The following FRMD4A variants were observed in gnomAD, a reference collection of about 807,000 sequenced individuals.
FRMD4A encodes FERM domain-containing protein 4A.
A neutral mutation model predicts 129.1 loss-of-function variants in FRMD4A; 29 were observed. That is an observed-to-expected ratio of 0.22 (90% CI 0.17 to 0.31). FRMD4A has a LOEUF of 0.31. Ranked by LOEUF, FRMD4A falls within the 10% of genes least tolerant of loss-of-function variation. The pLI is 1.00. For missense variants in FRMD4A, 1,272 were observed against 1,375.8 expected (o/e 0.92, Z 1.19); for synonymous variants, 634 against 571.6 (o/e 1.11, Z -1.56).
intron 2 of FRMD4A, among the ~76,000 whole-genome samples, chr10:14,050,075 T>C (rs1325973272): frequency 6.6e-6 from 1 of 152,244 alleles, no homozygotes; most frequent in African/African-American, 2.4e-5. Flanking sequence ...GGCAGTTTCC[T>C]ACCTTTGCTA....
chr10:14,260,323 T>C (rs1311629871), intron 2 of FRMD4A, among the ~76,000 whole-genome samples: 1 of 152,144 alleles, frequency 6.6e-6, no homozygotes, highest in African/African-American at 2.4e-5. Context: ...AGAGTTTTAG[T>C]TCCCACAAGC....
chr10:13,692,456 T>G (rs2085801777), intron 15 of FRMD4A: 1 of 152,182 alleles, frequency 6.6e-6, no homozygotes, highest in Non-Finnish European at 1.5e-5. Flanking sequence ...CTTTAGCGGT[T>G]CTACTGAAGA....
intron 2 of FRMD4A, among the ~76,000 whole-genome samples, chr10:14,222,721 A>G (rs1843302012): frequency 6.6e-6 from 1 of 151,950 alleles, no homozygotes; most frequent in South Asian, 2.1e-4. Flanking sequence ...CTGGAGTGAA[A>G]TCTCCTTGGA....
chr10:13,682,841 A>G (rs750976), intron 15 of FRMD4A, among the ~76,000 whole-genome samples: 113,893 of 151,916 alleles, frequency 0.75, 44,237 homozygotes, highest in African/African-American at 0.91. Flanking sequence ...CAGAGTCATA[A>G]GGAGGCTGAA....
At chr10:13,832,801 G>A (rs971897814) in intron 3 of FRMD4A, among the ~76,000 whole-genome samples, 17 of 152,090 alleles carry the variant, frequency 1.1e-4, no homozygotes, top group African/African-American at 3.9e-4. Flanking sequence ...CACCACACCC[G>A]GCTAATTTTT....
chr10:14,212,996 G>A (rs1842973939), intron 2 of FRMD4A, among the ~76,000 whole-genome samples: 1 of 152,192 alleles, frequency 6.6e-6, no homozygotes, highest in South Asian at 2.1e-4. Context: ...CAGCACTTTG[G>A]GAGGCTGAGG....
chr10:13,737,934 G>C lies in FRMD4A; in HGVS notation c.673-4C>G, dbSNP rs773682675. On this transcript the variant is annotated splice_region_variant and splice_polypyrimidine_tract_variant and intron_variant, in intron 11 of 24. Transcript: ENST00000357447. Reference sequence around the variant, plus strand: ...ACCATGGTATGCCCTGCTTGTCCTAGGATATCAAAAAAAGTTTGGGTGAAT... The same window carrying C: ...ACCATGGTATGCCCTGCTTGTCCTACGATATCAAAAAAAGTTTGGGTGAAT... The C allele has an allele frequency of 5.1e-6, 8 of 1,567,792 alleles. No homozygotes were observed. The South Asian group carries it at 8.9e-5, about 17-fold the overall frequency.
chr10:13,921,023 GA>G (rs771924312), intron 2 of FRMD4A, among the ~76,000 whole-genome samples: 2 of 152,062 alleles, frequency 1.3e-5, no homozygotes, highest in African/African-American at 2.4e-5. Context: ...AAAATACATA[GA>G]CTGGGTTCTA....
intron 2 of FRMD4A, among the ~76,000 whole-genome samples, chr10:14,229,113 T>G (rs1843550363): frequency 6.6e-6 from 1 of 152,050 alleles, no homozygotes; most frequent in South Asian, 2.1e-4. Context: ...TTTTTTGTTT[T>G]TTTTTAAGAT....
Position 13,646,997 on chromosome 10 carries a change from T to C in FRMD4A, c.*41A>G. 3.1e-6 allele frequency: 3 copies of C among 982,936 alleles called. No individual in the cohort carries two copies. The South Asian group carries it at 1.4e-4, about 46-fold the overall frequency. 60.9% of individuals were successfully genotyped at this position (982,936 alleles called of 1,614,324 possible). Reference sequence around the variant, plus strand: ...CCACTGGACATCAGCTAGTTCTGGATAGAGGGAGGAATCCAGGAAACAGCT... The same window carrying C: ...CCACTGGACATCAGCTAGTTCTGGACAGAGGGAGGAATCCAGGAAACAGCT... On this transcript the variant is annotated 3_prime_UTR_variant, in exon 25 of 25. Transcript: ENST00000357447.
chr10:14,059,274 A>G (rs1332579111), intron 2 of FRMD4A, among the ~76,000 whole-genome samples: 1 of 152,202 alleles, frequency 6.6e-6, no homozygotes, highest in Admixed American at 6.5e-5. Context: ...TGTACAGGCT[A>G]GAGGTAGGAT....
At chr10:14,275,469 G>C (rs1845305582) in intron 2 of FRMD4A, among the ~76,000 whole-genome samples, 1 of 152,314 alleles carries the variant, frequency 6.6e-6, no homozygotes, top group South Asian at 2.1e-4. Context: ...CACATGGTTG[G>C]TGGCTATCTG....
intron 2 of FRMD4A, among the ~76,000 whole-genome samples, chr10:14,246,698 C>T (rs1844253540): frequency 6.6e-6 from 1 of 152,032 alleles, no homozygotes; most frequent in South Asian, 2.1e-4. Flanking sequence ...ACCAGGTCTG[C>T]CAGGAAAAAG....
chr10:14,240,288 G>A (rs79564130), intron 2 of FRMD4A, among the ~76,000 whole-genome samples: 9,830 of 152,150 alleles, frequency 0.065, 396 homozygotes, highest in Non-Finnish European at 0.09. Flanking sequence ...GCTGCATGAC[G>A]GCCATTTATG....
At chr10:14,055,942 CT>C (rs905423940) in intron 2 of FRMD4A, among the ~76,000 whole-genome samples, 8 of 150,054 alleles carry the variant, frequency 5.3e-5, no homozygotes, top group South Asian at 2.1e-4. Flanking sequence ...AATTCTCTCT[CT>C]TTTTTTTTTG....
Position 14,090,566 on chromosome 10 carries a change from C to T in FRMD4A, c.46-231654G>A, listed in dbSNP as rs190133338. Among the ~76,000 whole-genome samples the T allele has an allele frequency of 1.6e-3, 250 of 152,282 alleles. 1 individual carries two copies. The highest frequency in any genetic ancestry group is 2.0e-3 in the Non-Finnish European group (133 of 68,022). ...GGTTGGGTTAGAGCCAGGCAGCATC[C>T]CCCCAGCCGCTCCATGCTAAAGCCT... is the stretch of plus-strand genomic sequence containing the variant. On this transcript the variant is annotated intron_variant, in intron 2 of 24. Coordinates refer to ENST00000357447, the MANE Select transcript of FRMD4A (RefSeq NM_018027.5).
At chr10:14,164,809 A>T (rs1841090747) in intron 2 of FRMD4A, among the ~76,000 whole-genome samples, 1 of 152,246 alleles carries the variant, frequency 6.6e-6, no homozygotes, top group Admixed American at 6.5e-5. Context: ...CCTGCAACCC[A>T]CGATGGCTTT....
At chr10:14,148,852 G>C (rs1309756364) in intron 2 of FRMD4A, among the ~76,000 whole-genome samples, 1 of 152,002 alleles carries the variant, frequency 6.6e-6, no homozygotes, top group African/African-American at 2.4e-5. Flanking sequence ...TTAGCTTTAA[G>C]ATCTTGGGCA....
At chr10:13,745,546 G>C (rs1300845322) in intron 9 of FRMD4A, among the ~76,000 whole-genome samples, 5 of 152,216 alleles carry the variant, frequency 3.3e-5, no homozygotes, top group African/African-American at 1.2e-4. Flanking sequence ...ATGCAGAAGA[G>C]ACAGAGAGAG....
Sources: allele counts gnomAD v4.1 joint callset (sites outside exome capture counted in the v4.1 genomes callset), GRCh38; gene constraint gnomAD v4.1.1; transcripts MANE v1.5; gene names NCBI Gene and HGNC (gene_info 2026-07-23, HGNC 2026-07-21).